Variants in TRAPPC9 observed in about 807,000 individuals in gnomAD.
TRAPPC9 encodes IKK2 binding protein.
In TRAPPC9, 83 loss-of-function variants were observed where a neutral mutation model predicts 124.0. The observed-to-expected ratio is 0.67, with a 90% CI of 0.56 to 0.80. The LOEUF is 0.80. Among genes scored for constraint, TRAPPC9 ranks in the 30% least tolerant of loss-of-function variants. TRAPPC9 has a pLI of 0.00. For synonymous variants in TRAPPC9, 638 were observed against 617.5 expected, an observed-to-expected ratio of 1.03 and a Z score of -0.49; for missense variants, 1,302 against 1,508.3, an observed-to-expected ratio of 0.86 and a Z score of 2.27.
chr8:139,751,884 A>T (rs912023992), intron 21 of TRAPPC9, among the ~76,000 whole-genome samples: 2 of 150,754 alleles, frequency 1.3e-5, no homozygotes, highest in African/African-American at 4.9e-5. Flanking sequence ...CTACCCATCC[A>T]TCCATCCATC....
chr8:140,127,045 G>A (rs1038907110), intron 17 of TRAPPC9, among the ~76,000 whole-genome samples: 7 of 152,156 alleles, frequency 4.6e-5, no homozygotes, highest in African/African-American at 9.7e-5. Flanking sequence ...CATCTCTAAC[G>A]TATGTATCTG....
At chr8:140,234,969 T>C (rs1297498776) in intron 16 of TRAPPC9, among the ~76,000 whole-genome samples, 4 of 151,974 alleles carry the variant, frequency 2.6e-5, no homozygotes, top group Non-Finnish European at 4.4e-5. Context: ...TCTAAGAAAA[T>C]TTACAATTTT....
intron 4 of TRAPPC9, among the ~76,000 whole-genome samples, chr8:140,434,699 GGT>G (rs1335397641): frequency 1.3e-5 from 2 of 152,298 alleles, no homozygotes; most frequent in South Asian, 4.1e-4. Context: ...GGCAGGGCAT[GGT>G]GGCTCACGCC....
At chr8:139,979,842 G>C (rs192347393) in intron 19 of TRAPPC9, among the ~76,000 whole-genome samples, 13 of 152,262 alleles carry the variant, frequency 8.5e-5, no homozygotes, top group African/African-American at 3.1e-4. Context: ...GGGGCTTGAG[G>C]GAAAGAAGAG....
intron 7 of TRAPPC9, among the ~76,000 whole-genome samples, chr8:140,397,156 A>G (rs73713121): frequency 0.036 from 5,440 of 152,312 alleles, 212 homozygotes; most frequent in African/African-American, 0.097. Context: ...TAAAGGTTTT[A>G]ATGATTGTTT....
chr8:139,811,108 A>G (rs1385368760), intron 21 of TRAPPC9, among the ~76,000 whole-genome samples: 4 of 152,240 alleles, frequency 2.6e-5, no homozygotes, highest in Non-Finnish European at 5.9e-5. Flanking sequence ...GGCAATTAAT[A>G]TTCTCACAGA....
At chr8:139,870,321 T>C (rs547409906) in intron 21 of TRAPPC9, among the ~76,000 whole-genome samples, 2 of 152,240 alleles carry the variant, frequency 1.3e-5, no homozygotes, top group South Asian at 4.2e-4. Context: ...GGAGAAAACA[T>C]GGGAGAATGT....
chr8:140,426,652 G>A lies in TRAPPC9; in HGVS notation c.860-11C>T. The A allele has an allele frequency of 1.9e-6, 3 of 1,613,150 alleles. No homozygotes were observed. Among genetic ancestry groups the A allele is most frequent in the Non-Finnish European group, 2.5e-6 (3 of 1,179,260 alleles). Reference sequence around the variant, plus strand: ...GAACTTCCTGTGCCCCTGGAAGAAAGAACAGATTATGGTATTTTATTTGGA... The same window carrying A: ...GAACTTCCTGTGCCCCTGGAAGAAAAAACAGATTATGGTATTTTATTTGGA... On this transcript the variant is annotated splice_polypyrimidine_tract_variant and intron_variant, in intron 4 of 22. Coordinates refer to ENST00000438773, the MANE Select transcript of TRAPPC9 (RefSeq NM_001160372.4).
intron 19 of TRAPPC9, among the ~76,000 whole-genome samples, chr8:139,960,966 A>G (rs967818658): frequency 1.6e-5 from 2 of 125,368 alleles, no homozygotes; most frequent in African/African-American, 2.5e-5. Flanking sequence ...CGTGTCCCCA[A>G]TACCAAGTTC....
chr8:139,774,135 A>G (rs939409085), intron 21 of TRAPPC9, among the ~76,000 whole-genome samples: 3 of 152,162 alleles, frequency 2.0e-5, no homozygotes, highest in African/African-American at 4.8e-5. Flanking sequence ...GGGCGGCAAG[A>G]AGGAGGAGGC....
At chr8:139,754,031 T>C (rs58400946) in intron 21 of TRAPPC9, among the ~76,000 whole-genome samples, 1 of 152,092 alleles carries the variant, frequency 6.6e-6, no homozygotes, top group East Asian at 1.9e-4. Flanking sequence ...GTCTCAATCT[T>C]GAACGGACAA....
At chr8:140,360,475 A>C (rs2067916481) in intron 8 of TRAPPC9, among the ~76,000 whole-genome samples, 1 of 152,252 alleles carries the variant, frequency 6.6e-6, no homozygotes, top group Non-Finnish European at 1.5e-5. Flanking sequence ...TAAGCTTAGA[A>C]CAAAAGATGG....
chr8:140,059,208 G>GA (rs1426216290), intron 17 of TRAPPC9, among the ~76,000 whole-genome samples: 1 of 152,052 alleles, frequency 6.6e-6, no homozygotes, highest in Non-Finnish European at 1.5e-5. Context: ...CATATAAATG[G>GA]AATCATAACA....
At chr8:139,862,418 G>A (rs943773886) in intron 21 of TRAPPC9, among the ~76,000 whole-genome samples, 8 of 152,226 alleles carry the variant, frequency 5.3e-5, no homozygotes, top group Admixed American at 1.3e-4. Context: ...ATCCAGTGAC[G>A]GAGCACCAGC....
At chr8:139,872,693 T>A (rs1381695139) in intron 21 of TRAPPC9, among the ~76,000 whole-genome samples, 2 of 135,970 alleles carry the variant, frequency 1.5e-5, no homozygotes, top group Non-Finnish European at 3.2e-5. Flanking sequence ...GGTTGGTGGG[T>A]AGACAGTTGG....
intron 4 of TRAPPC9, among the ~76,000 whole-genome samples, chr8:140,434,752 C>T (rs896944560): frequency 3.9e-5 from 6 of 152,034 alleles, no homozygotes; most frequent in Non-Finnish European, 5.9e-5. Flanking sequence ...GGGTGGATCA[C>T]GAGGTCAAGC....
intron 19 of TRAPPC9, among the ~76,000 whole-genome samples, chr8:139,925,164 C>T (rs1461700817): frequency 1.3e-5 from 2 of 152,210 alleles, no homozygotes; most frequent in African/African-American, 4.8e-5. Context: ...TGAGCTCGCC[C>T]ACGGGGTGGC....
intron 21 of TRAPPC9, among the ~76,000 whole-genome samples, chr8:139,850,884 C>T (rs989364588): frequency 3.9e-5 from 6 of 152,184 alleles, no homozygotes; most frequent in Non-Finnish European, 8.8e-5. Context: ...TACCACACAC[C>T]AAGAAGCATT....
Position 139,910,274 on chromosome 8 carries a change from T to C in TRAPPC9, c.2837A>G (p.Asn946Ser). The change falls in exon 20 of 23, where the codon AAC (asparagine) becomes AGC (serine). Residue 946 changes from asparagine (N) to serine (S), a missense_variant. By Grantham distance (46) the Asn-to-Ser change is conservative. Transcript: ENST00000438773. Reference protein sequence around the residue: ...QRMAIQVDKFNFESFPESPGE... With the variant: ...QRMAIQVDKFSFESFPESPGE... ...AGGGGACTCCGGGAAACTCTCAAAG[T>C]TGAACTTGTCCACTTGAATAGCCAT... 6.2e-7 allele frequency: 1 copy of C among 1,614,186 alleles called. No homozygotes were observed. The highest frequency in any genetic ancestry group is 8.5e-7 in the Non-Finnish European group (1 of 1,180,038).
Sources: allele counts gnomAD v4.1 joint callset (sites outside exome capture counted in the v4.1 genomes callset), GRCh38; gene constraint gnomAD v4.1.1; transcripts MANE v1.5; gene names NCBI Gene and HGNC (gene_info 2026-07-23, HGNC 2026-07-21).